CNTNAP2: variants seen among roughly 807,000 people sequenced by gnomAD.
The protein encoded by CNTNAP2 is contactin-associated protein-like 2.
A neutral mutation model predicts 155.2 loss-of-function variants in CNTNAP2; 98 were observed. The observed-to-expected ratio is 0.63, with a 90% CI of 0.54 to 0.75. The LOEUF (loss-of-function observed/expected upper bound fraction) is 0.75, where lower values mean the gene tolerates loss of function less well. CNTNAP2 is among the 30% of genes least tolerant of loss of function. The pLI is 0.00. For synonymous variants in CNTNAP2, 651 were observed against 631.2 expected (o/e 1.03, Z -0.47); for missense variants, 1,727 against 1,688.1 (o/e 1.02, Z -0.40).
chr7:146,313,537 G>A (rs894120712), intron 1 of CNTNAP2, among the ~76,000 whole-genome samples: 13 of 152,222 alleles, frequency 8.5e-5, no homozygotes, highest in African/African-American at 3.1e-4. Flanking sequence ...TGCAGAAGCT[G>A]TTTAGTTTGA....
chr7:146,643,773 T>C (rs1033737165), intron 1 of CNTNAP2, among the ~76,000 whole-genome samples: 5 of 152,148 alleles, frequency 3.3e-5, no homozygotes, highest in Non-Finnish European at 5.9e-5. Context: ...TTTCATGATA[T>C]TGATTCTTCC....
At chr7:147,440,486 TTAAGA>T (rs1449913968) in intron 10 of CNTNAP2, among the ~76,000 whole-genome samples, 1 of 152,182 alleles carries the variant, frequency 6.6e-6, no homozygotes, top group South Asian at 2.1e-4. Context: ...GTCTTTCTAG[TTAAGA>T]TAAAAGTAGT....
chr7:146,802,806 T>A (rs1563237221), intron 2 of CNTNAP2, among the ~76,000 whole-genome samples: 1 of 152,144 alleles, frequency 6.6e-6, no homozygotes, highest in Admixed American at 6.5e-5. Context: ...ATAAATAGGC[T>A]CTTCAGAATA....
At chr7:147,797,725 T>C (rs1004666398) in intron 13 of CNTNAP2, among the ~76,000 whole-genome samples, 2 of 152,180 alleles carry the variant, frequency 1.3e-5, no homozygotes, top group African/African-American at 4.8e-5. Context: ...CTGAGAAATA[T>C]CTTTTGTGTG....
chr7:147,951,773 G>A (rs1431924742), intron 14 of CNTNAP2, among the ~76,000 whole-genome samples: 3 of 151,690 alleles, frequency 2.0e-5, no homozygotes, highest in Admixed American at 6.6e-5. Flanking sequence ...CTGTCCGGGG[G>A]TAGAGGGCAA....
chr7:146,159,413 G>T (rs909166943), intron 1 of CNTNAP2, among the ~76,000 whole-genome samples: 4 of 152,050 alleles, frequency 2.6e-5, no homozygotes, highest in Non-Finnish European at 4.4e-5. Flanking sequence ...ATGTAGATGG[G>T]CTAAGTGCTC....
rs1400325219 is a variant in CNTNAP2 at position 146,189,205 on chromosome 7, C to G, written c.97+72232C>G. Among the ~76,000 whole-genome samples, 4 of 152,238 alleles carry G rather than the reference C, an allele frequency of 2.6e-5. No individual in the cohort carries two copies. The East Asian group carries it at 7.7e-4, about 29-fold the overall frequency. On this transcript the variant is annotated intron_variant, in intron 1 of 23. Coordinates refer to ENST00000361727, the MANE Select transcript of CNTNAP2 (RefSeq NM_014141.6). ...GTTCTTTGATCCATACTCTCTCAATCTGTAAAATAGAATAACATTTCTTGT... is the reference window on the plus strand; with the variant it reads ...GTTCTTTGATCCATACTCTCTCAATGTGTAAAATAGAATAACATTTCTTGT...
At chr7:146,720,456 C>CTCA (rs1169773790) in intron 1 of CNTNAP2, among the ~76,000 whole-genome samples, 7 of 152,110 alleles carry the variant, frequency 4.6e-5, no homozygotes, top group Non-Finnish European at 1.0e-4. Context: ...ACATACTCTG[C>CTCA]TCATGCTGAG....
intron 22 of CNTNAP2, among the ~76,000 whole-genome samples, chr7:148,391,634 C>G (rs764853177): frequency 3.9e-5 from 6 of 152,188 alleles, no homozygotes; most frequent in Non-Finnish European, 7.3e-5. Context: ...TTTAAGGTCA[C>G]AGAATGCCAG....
At chr7:147,329,389 T>TTA (rs1795516754) in intron 9 of CNTNAP2, among the ~76,000 whole-genome samples, 1 of 152,032 alleles carries the variant, frequency 6.6e-6, no homozygotes, top group Non-Finnish European at 1.5e-5. Flanking sequence ...TTCTTGTAAT[T>TTA]TATATATACA....
intron 15 of CNTNAP2, among the ~76,000 whole-genome samples, chr7:148,106,311 A>C (rs1211638497): frequency 6.6e-6 from 1 of 152,130 alleles, no homozygotes; most frequent in African/African-American, 2.4e-5. Context: ...GATCTAACTT[A>C]TGCACAAATT....
chr7:146,538,263 C>T (rs1242664093), intron 1 of CNTNAP2, among the ~76,000 whole-genome samples: 1 of 152,054 alleles, frequency 6.6e-6, no homozygotes, highest in Non-Finnish European at 1.5e-5. Context: ...GACAAACAAC[C>T]TCAAGTCTTT....
chr7:147,754,132 G>A (rs2116508142), intron 13 of CNTNAP2, among the ~76,000 whole-genome samples: 1 of 152,276 alleles, frequency 6.6e-6, no homozygotes, highest in South Asian at 2.1e-4. Flanking sequence ...TGCAGACACA[G>A]GATGAGACAA....
At chr7:146,569,514 C>G (rs1798409452) in intron 1 of CNTNAP2, among the ~76,000 whole-genome samples, 1 of 152,204 alleles carries the variant, frequency 6.6e-6, no homozygotes. Context: ...TTGAGTGTTT[C>G]TTTTCCAGTA....
At chr7:148,316,918 A>T (rs754595556) in intron 21 of CNTNAP2, among the ~76,000 whole-genome samples, 1 of 152,234 alleles carries the variant, frequency 6.6e-6, no homozygotes, top group South Asian at 2.1e-4. Context: ...CAATCCATTT[A>T]TCTGGAATAG....
chr7:146,789,648 C>T (rs1802636353), intron 2 of CNTNAP2, among the ~76,000 whole-genome samples: 1 of 147,796 alleles, frequency 6.8e-6, no homozygotes, highest in South Asian at 2.1e-4. Context: ...TATGTGGGAA[C>T]CAGTAAAGAT....
intron 1 of CNTNAP2, among the ~76,000 whole-genome samples, chr7:146,680,284 AAAAAC>A (rs1800479376): frequency 6.6e-6 from 1 of 152,170 alleles, no homozygotes; most frequent in Admixed American, 6.5e-5. Flanking sequence ...GGGAAATTTA[AAAAAC>A]AAAACAAAAA....
chr7:147,572,632 T>C (rs1388148217), intron 12 of CNTNAP2, among the ~76,000 whole-genome samples: 1 of 152,044 alleles, frequency 6.6e-6, no homozygotes, highest in Non-Finnish European at 1.5e-5. Context: ...GTTGTTTGAT[T>C]ACCTCTGGCA....
intron 21 of CNTNAP2, among the ~76,000 whole-genome samples, chr7:148,356,919 A>C (rs951478294): frequency 5.9e-5 from 9 of 151,626 alleles, no homozygotes; most frequent in African/African-American, 2.2e-4. Flanking sequence ...AAAAAAAAAA[A>C]CCCTTCCTCT....
Sources: gnomAD v4.1 joint callset for allele counts (sites outside exome capture counted in the v4.1 genomes callset) on GRCh38, gnomAD v4.1.1 for gene constraint, MANE v1.5 for transcripts, NCBI Gene and HGNC (gene_info 2026-07-23, HGNC 2026-07-21) for gene names.